The following UNG variants were observed in gnomAD, a reference collection of about 807,000 sequenced individuals.
The protein encoded by UNG is uracil-DNA glycosylase.
Under a neutral mutation model 36.5 loss-of-function variants are expected in UNG, and 34 were observed. The observed-to-expected ratio is 0.93, with a 90% CI of 0.71 to 1.24. UNG has a LOEUF of 1.24. Among genes scored for constraint, UNG ranks in the 50% most tolerant of loss-of-function variants. The pLI is 0.00. For synonymous variants in UNG, 172 were observed against 157.8 expected (o/e 1.09, Z -0.67); for missense variants, 391 against 397.6 (o/e 0.98, Z 0.14).
intron 6 of UNG, among the ~76,000 whole-genome samples, chr12:109,106,913 ATATG>A (rs1287796894): frequency 2.0e-5 from 1 of 50,528 alleles, no homozygotes; most frequent in African/African-American, 1.3e-4. Flanking sequence ...ACGTATATAT[ATATG>A]TGTATATATA....
intron 6 of UNG, among the ~76,000 whole-genome samples, chr12:109,107,518 C>CTTTTTTTT (rs34833015): frequency 2.2e-5 from 2 of 89,432 alleles, no homozygotes; most frequent in Non-Finnish European, 4.2e-5. Context: ...GACTATTCCT[C>CTTTTTTTT]TTTTTTTTTT....
intron 6 of UNG, among the ~76,000 whole-genome samples, chr12:109,108,238 G>A (rs1181339704): frequency 6.6e-6 from 1 of 152,110 alleles, no homozygotes; most frequent in Non-Finnish European, 1.5e-5. Context: ...GGTACAACTG[G>A]TCCCTGGCTT....
Position 109,099,205 on chromosome 12 carries a change from C to T in UNG, c.356C>T (p.Ala119Val). 1.2e-6 allele frequency: 2 copies of T among 1,613,382 alleles called. No homozygotes were observed. Among genetic ancestry groups the T allele is most frequent in the Non-Finnish European group, 1.7e-6 (2 of 1,179,902 alleles). Residue 119 changes from alanine (A) to valine (V), a missense_variant, in exon 3 of 7, where the codon GCA becomes GTA. Ala to Val is a moderately conservative substitution (Grantham distance 64, BLOSUM62 0). Transcript: ENST00000242576. ...PYFIKLMGFV[A>V]EERKHYTVYP... The stretch of plus-strand genomic sequence containing the variant: ...TTAAATCAGCTAATGGGATTTGTTG[C>T]AGAAGAAAGAAAGCATTACACTGTT...
At chr12:109,099,305 A>G (rs1161390688) in intron 3 of UNG, 21 bp downstream of exon 3, 1 of 1,598,644 alleles carries the variant, frequency 6.3e-7, no homozygotes, top group Non-Finnish European at 8.6e-7. Context: ...CTTGTTGATA[A>G]TTTTTATTGG....
chr12:109,105,254 G>A (rs1481406865), intron 6 of UNG: 1 of 152,168 alleles, frequency 6.6e-6, no homozygotes, highest in Admixed American at 6.5e-5. Context: ...TTAACTCTCA[G>A]AAAGGCTTTG....
chr12:109,106,785 G>C (rs2042217564), intron 6 of UNG, among the ~76,000 whole-genome samples: 1 of 139,666 alleles, frequency 7.2e-6, no homozygotes, highest in African/African-American at 2.6e-5. Flanking sequence ...TGTAGTCCCA[G>C]CTACTTGGGA....
chr12:109,098,002 G>A (rs951613483), intron 1 of UNG, 191 bp downstream of exon 1: 3 of 1,271,736 alleles, frequency 2.4e-6, no homozygotes, highest in East Asian at 5.4e-5. Context: ...CCAGCCAATG[G>A]GAACGCGTCT....
intron 6 of UNG, among the ~76,000 whole-genome samples, chr12:109,106,922 T>TACATATATACACAC (rs1166230633): frequency 1.5e-5 from 1 of 67,792 alleles, no homozygotes; most frequent in African/African-American, 4.9e-5. Flanking sequence ...TATATGTGTA[T>TACATATATACACAC]ATATATATAT....
chr12:109,098,229 C>T, intron 1 of UNG: 1 of 1,481,014 alleles, frequency 6.8e-7, no homozygotes, highest in Non-Finnish European at 8.9e-7. Context: ...GCCTCCCAGC[C>T]CGTCTCCCCG....
At chr12:109,104,763 G>C (rs763034016) in intron 6 of UNG, among the ~76,000 whole-genome samples, 1 of 152,110 alleles carries the variant, frequency 6.6e-6, no homozygotes, top group South Asian at 2.1e-4. Context: ...GACATTGGGT[G>C]GGGGAGAAAT....
intron 3 of UNG, 72 bp downstream of exon 3, chr12:109,099,356 G>C: frequency 7.7e-7 from 1 of 1,295,724 alleles, no homozygotes; most frequent in Non-Finnish European, 1.1e-6. Context: ...AGGGACACTG[G>C]AGTTAAGCCA....
chr12:109,099,296 T>C lies in UNG; in HGVS notation c.435+12T>C, dbSNP rs757731165. 3 of 1,608,312 alleles carry C rather than the reference T, an allele frequency of 1.9e-6. No individual in the cohort carries two copies. Among genetic ancestry groups the C allele is most frequent in the Non-Finnish European group, 2.6e-6 (3 of 1,174,744 alleles). On this transcript the variant is annotated intron_variant, in intron 3 of 6. Coordinates refer to ENST00000242576, the MANE Select transcript of UNG (RefSeq NM_080911.3). ...GTGACATAAAAGATGTAAGTACAAC[T>C]TGTTGATAATTTTTATTGGGGAGAA...
intron 3 of UNG, among the ~76,000 whole-genome samples, 199 bp from the exon 4 acceptor site, chr12:109,101,703 G>A (rs537081523): frequency 6.6e-6 from 1 of 152,128 alleles, no homozygotes; most frequent in African/African-American, 2.4e-5. Flanking sequence ...CAGCAAAACC[G>A]TGTCTCAAAA....
intron 6 of UNG, among the ~76,000 whole-genome samples, chr12:109,108,783 A>G (rs1017651231): frequency 1.3e-5 from 2 of 152,158 alleles, no homozygotes; most frequent in South Asian, 4.1e-4. Context: ...GGTGCATGCC[A>G]TCACACTTGG....
Position 109,109,918 on chromosome 12 carries a change from T to C in UNG, c.891T>C (p.Asn297=), listed in dbSNP as rs2042248455. The C allele has an allele frequency of 6.2e-7, 1 of 1,614,144 alleles. No individual in the cohort carries two copies. Among genetic ancestry groups the C allele is most frequent in the Non-Finnish European group, 8.5e-7 (1 of 1,180,038 alleles). Residue 297 remains asparagine, a synonymous_variant, in exon 7 of 7, where the codon AAT becomes AAC. Coordinates refer to ENST00000242576, the MANE Select transcript of UNG (RefSeq NM_080911.3). Reference sequence around the variant, plus strand: ...GATGTAGACACTTTTCAAAGACCAATGAGCTGCTGCAGAAGTCTGGCAAGA... The same window carrying C: ...GATGTAGACACTTTTCAAAGACCAACGAGCTGCTGCAGAAGTCTGGCAAGA... ...FFGCRHFSKT[N]ELLQKSGKKP... is the part of the protein sequence containing the mutation.
chr12:109,105,529 G>T (rs2042209471), intron 6 of UNG, among the ~76,000 whole-genome samples: 1 of 152,162 alleles, frequency 6.6e-6, no homozygotes, highest in Non-Finnish European at 1.5e-5. Flanking sequence ...GATCTATAGA[G>T]TGCCTTGTTA....
In UNG at chr12:109,098,653, G is replaced by A. The variant is rs368013839; in HGVS notation, c.339+15G>A. On this transcript the variant is annotated intron_variant, in intron 2 of 6. Transcript: ENST00000242576. ...ATTTTATCAAGGTAAATATGGAAAT[G>A]CACCTTCCATAAGGGTAAATGTGGA... is the stretch of plus-strand genomic sequence containing the variant. 112 of 1,613,160 alleles carry A rather than the reference G, an allele frequency of 6.9e-5. No homozygotes were observed. The highest frequency in any genetic ancestry group is 6.3e-4 in the Admixed American group (38 of 60,014).
chr12:109,105,513 T>C (rs2042209324), intron 6 of UNG, among the ~76,000 whole-genome samples: 1 of 152,212 alleles, frequency 6.6e-6, no homozygotes, highest in Non-Finnish European at 1.5e-5. Context: ...GCCCAGTGTC[T>C]CTTCTGATCT....
At chr12:109,109,231 G>A (rs2042241447) in intron 6 of UNG, among the ~76,000 whole-genome samples, 2 of 152,096 alleles carry the variant, frequency 1.3e-5, no homozygotes, top group Non-Finnish European at 1.5e-5. Flanking sequence ...AGCAAATACA[G>A]TCTTAGCAGT....
Sources: allele counts gnomAD v4.1 joint callset (sites outside exome capture counted in the v4.1 genomes callset), GRCh38; gene constraint gnomAD v4.1.1; transcripts MANE v1.5; gene names NCBI Gene and HGNC (gene_info 2026-07-23, HGNC 2026-07-21).